The following SHB variants were observed in gnomAD, a reference collection of about 807,000 sequenced individuals.
SHB encodes SH2 domain containing adaptor protein B, also known as SH2 domain-containing adapter protein B.
Under a neutral mutation model 52.3 loss-of-function variants are expected in SHB, and 20 were observed. That is an observed-to-expected ratio of 0.38 (90% CI 0.27 to 0.56). SHB has a LOEUF of 0.56. Among genes scored for constraint, SHB ranks in the 20% least tolerant of loss-of-function variants. The probability of loss-of-function intolerance (pLI) is 0.71; values close to 1 mark genes in which losing one functional copy is unlikely to be tolerated. For missense variants in SHB, 825 were observed against 723.3 expected, an observed-to-expected ratio of 1.14 and a Z score of -1.61; for synonymous variants, 397 against 316.5, an observed-to-expected ratio of 1.25 and a Z score of -2.70.
chr9:38,041,840 T>C (rs1189774110), intron 1 of SHB, among the ~76,000 whole-genome samples: 1 of 152,176 alleles, frequency 6.6e-6, no homozygotes, highest in Non-Finnish European at 1.5e-5. Flanking sequence ...AGCCTTCTGA[T>C]TGCCAAAACG....
At chr9:37,921,848 G>A (rs1181685250) in intron 5 of SHB, among the ~76,000 whole-genome samples, 1 of 152,254 alleles carries the variant, frequency 6.6e-6, no homozygotes, top group Non-Finnish European at 1.5e-5. Flanking sequence ...GGAAAGGGCT[G>A]TGATTGCTTA....
intron 2 of SHB, among the ~76,000 whole-genome samples, chr9:37,975,107 C>T (rs6476668): frequency 0.57 from 86,946 of 152,006 alleles, 25,270 homozygotes; most frequent in East Asian, 0.77. Context: ...GCTTAAGAGG[C>T]AGAGCCCAGA....
Position 38,068,058 on chromosome 9 carries a change from G to C in SHB, c.588C>G (p.Ala196=). The C allele has an allele frequency of 6.7e-7, 1 of 1,493,524 alleles. No homozygotes were observed. Among genetic ancestry groups the C allele is most frequent in the Non-Finnish European group, 8.8e-7 (1 of 1,131,224 alleles). 92.5% of individuals were successfully genotyped at this position (1,493,524 alleles called of 1,614,324 possible). A position where few individuals can be genotyped will look rare whatever the true frequency, so the allele number is the denominator to read the frequency against. Residue 196 remains alanine, a synonymous_variant, in exon 1 of 6, where the codon GCC becomes GCG. Coordinates refer to ENST00000377707, the MANE Select transcript of SHB (RefSeq NM_003028.3). ...CGCAGGCGCCCCCCAGGGGGTCCCC[G>C]GCCCCACCGCCCGCGGCGCTCTCCA... ...IKVESAAGGG[A]GDPLGGACAG...
chr9:37,932,523 G>C (rs774760593), intron 5 of SHB, among the ~76,000 whole-genome samples: 5 of 134,984 alleles, frequency 3.7e-5, no homozygotes, highest in African/African-American at 1.4e-4. Flanking sequence ...CTTCATATGG[G>C]ATTCATACTA....
intron 2 of SHB, among the ~76,000 whole-genome samples, chr9:37,998,529 T>C (rs1197420919): frequency 6.6e-6 from 1 of 152,258 alleles, no homozygotes; most frequent in Non-Finnish European, 1.5e-5. Flanking sequence ...CTCAGTTCAC[T>C]GCAACCTCCA....
intron 5 of SHB, among the ~76,000 whole-genome samples, chr9:37,930,899 A>G (rs1421507911): frequency 2.6e-5 from 4 of 152,234 alleles, no homozygotes; most frequent in South Asian, 4.1e-4. Context: ...ACAGTATGAT[A>G]CTGGCATACA....
chr9:37,916,912 A>T lies in SHB; in HGVS notation c.*2909T>A, dbSNP rs1285453348. 6.6e-6 allele frequency among the ~76,000 whole-genome samples: 1 copy of T among 152,204 alleles called. No individual in the cohort carries two copies. Among genetic ancestry groups the T allele is most frequent in the African/African-American group, 2.4e-5 (1 of 41,454 alleles). ...AAGCCAGCAAAGAAGGGAGACACAG[A>T]AACAGCCGCTAGTGCTGGAGGTTCT... On this transcript the variant is annotated 3_prime_UTR_variant, in exon 6 of 6. Coordinates refer to ENST00000377707, the MANE Select transcript of SHB (RefSeq NM_003028.3).
chr9:38,040,484 C>T (rs1261904444), intron 1 of SHB, among the ~76,000 whole-genome samples: 2 of 152,210 alleles, frequency 1.3e-5, no homozygotes, highest in Non-Finnish European at 2.9e-5. Context: ...CAGGGTCAGC[C>T]AGAGCTCCGC....
At chr9:38,015,544 C>G (rs552477409) in intron 2 of SHB, 9 of 692,266 alleles carry the variant, frequency 1.3e-5, no homozygotes, top group Non-Finnish European at 2.4e-5. Flanking sequence ...TCTCGGGATG[C>G]GGCCAGAAAT....
chr9:38,038,355 C>A (rs781277819), intron 1 of SHB, among the ~76,000 whole-genome samples: 2 of 152,160 alleles, frequency 1.3e-5, no homozygotes, highest in African/African-American at 2.4e-5. Context: ...CTGCACTTTG[C>A]GGTTCATAAA....
At chr9:37,951,894 C>T (rs933582951) in intron 4 of SHB, among the ~76,000 whole-genome samples, 1 of 152,168 alleles carries the variant, frequency 6.6e-6, no homozygotes, top group East Asian at 1.9e-4. Context: ...CTGGGCTGGG[C>T]GGTCCTGTGG....
At chr9:38,046,772 C>CAT (rs945610660) in intron 1 of SHB, among the ~76,000 whole-genome samples, 1 of 152,220 alleles carries the variant, frequency 6.6e-6, no homozygotes, top group African/African-American at 2.4e-5. Context: ...GGACAACAGT[C>CAT]ATATAATGTT....
At chr9:38,059,116 C>A in intron 1 of SHB, among the ~76,000 whole-genome samples, 1 of 152,258 alleles carries the variant, frequency 6.6e-6, no homozygotes, top group Admixed American at 6.5e-5. Context: ...ACAGTGTCTA[C>A]TGAATGAATG....
At position 37,949,370 on chromosome 9, in the gene SHB, A is replaced by G. The variant is rs191812063; in HGVS notation, c.1227-616T>C. On this transcript the variant is annotated intron_variant, in intron 4 of 5. Transcript: ENST00000377707. ...ATCATGCCACTGCACTCCAGCCTGGAAGACACAGCAAGACTCCATCTCAAA... is the reference window on the plus strand; with the variant it reads ...ATCATGCCACTGCACTCCAGCCTGGGAGACACAGCAAGACTCCATCTCAAA... Among the ~76,000 whole-genome samples, 616 of 148,572 alleles carry G rather than the reference A, an allele frequency of 4.1e-3. 22 individuals carry two copies. The East Asian group carries it at 0.086, about 21-fold the overall frequency.
intron 2 of SHB, among the ~76,000 whole-genome samples, chr9:38,007,297 T>C (rs928671209): frequency 6.6e-6 from 1 of 152,234 alleles, no homozygotes; most frequent in Non-Finnish European, 1.5e-5. Context: ...TGCATTCCTA[T>C]ACTCATTCAT....
intron 2 of SHB, among the ~76,000 whole-genome samples, chr9:37,996,113 C>G (rs1477394435): frequency 6.6e-6 from 1 of 152,178 alleles, no homozygotes; most frequent in African/African-American, 2.4e-5. Context: ...AATGTCCAAG[C>G]CGAAATGACT....
chr9:37,957,377 G>A lies in SHB; in HGVS notation c.1055-1323C>T, dbSNP rs141612514. On this transcript the variant is annotated intron_variant, in intron 3 of 5. Transcript: ENST00000377707. ...GGGTAACGTGCTGTCTGCTGAAACC[G>A]AGGAGCGTGATGAACCTGTTCTACA... Among the ~76,000 whole-genome samples the A allele has an allele frequency of 5.3e-5, 8 of 152,340 alleles. No homozygotes were observed. The East Asian group carries it at 1.3e-3, about 26-fold the overall frequency.
intron 1 of SHB, among the ~76,000 whole-genome samples, chr9:38,052,911 G>A (rs1197161349): frequency 6.6e-6 from 1 of 152,174 alleles, no homozygotes; most frequent in Non-Finnish European, 1.5e-5. Flanking sequence ...ATGCATGAAG[G>A]CCCAGCTCCC....
intron 5 of SHB, among the ~76,000 whole-genome samples, chr9:37,943,422 T>C (rs921399157): frequency 6.6e-6 from 1 of 152,152 alleles, no homozygotes. Context: ...GCAGAGCTCA[T>C]TGGCTGGGCT....
Sources: gnomAD v4.1 joint callset for allele counts (sites outside exome capture counted in the v4.1 genomes callset) on GRCh38, gnomAD v4.1.1 for gene constraint, MANE v1.5 for transcripts, NCBI Gene and HGNC (gene_info 2026-07-23, HGNC 2026-07-21) for gene names.